The following SHC3 variants were observed in gnomAD, a reference collection of about 807,000 sequenced individuals.
SHC3 encodes SHC adaptor protein 3.
SHC3 carries 15 observed loss-of-function variants against 60.4 expected under a neutral mutation model. The ratio of observed to expected loss-of-function variants is 0.25; its 90% CI spans 0.17 to 0.38. The LOEUF (loss-of-function observed/expected upper bound fraction) is 0.38. Ranked by LOEUF, SHC3 falls within the 10% of genes least tolerant of loss-of-function variation. SHC3 has a pLI of 1.00. For synonymous variants in SHC3, 294 were observed against 325.9 expected (o/e 0.90, Z 1.05); for missense variants, 677 against 786.1 (o/e 0.86, Z 1.66).
Position 89,075,369 on chromosome 9 carries a change from G to C in SHC3, c.610-141C>G, listed in dbSNP as rs543887800. ...AGAAGACAAAATGTGAAATGAATAA[G>C]CTGGGAGTAGGGGGATCCGAAGCTA... On this transcript the variant is annotated intron_variant, in intron 3 of 11. Transcript: ENST00000375835. 1,323 of 1,138,988 alleles carry C rather than the reference G, an allele frequency of 1.2e-3. 1 individual carries two copies. The highest frequency in any genetic ancestry group is 1.6e-3 in the Non-Finnish European group (1,277 of 809,654). 70.6% of individuals were successfully genotyped at this position (1,138,988 alleles called of 1,614,324 possible). A position where few individuals can be genotyped will look rare whatever the true frequency, so the allele number is the denominator to read the frequency against.
chr9:89,038,380 A>C, intron 10 of SHC3, 92 bp from the exon 11 acceptor site: 1 of 1,373,200 alleles, frequency 7.3e-7, no homozygotes, highest in Non-Finnish European at 9.7e-7. Context: ...GAGAGATGGA[A>C]ATGCAAAGGC....
In SHC3 at chr9:89,007,397, C is replaced by A. The variant is rs1454779902; in HGVS notation, c.*6050G>T. ...CCTTAAGGCTTGTCACACTCCAACA[C>A]CTTTGTGTGTGTGTGTCTTTATTTC... On this transcript the variant is annotated 3_prime_UTR_variant, in exon 12 of 12. Transcript: ENST00000375835. 6.6e-6 allele frequency: 1 copy of A among 152,282 alleles called. No homozygotes were observed. The highest frequency in any genetic ancestry group is 1.5e-5 in the Non-Finnish European group (1 of 68,078). 9.4% of individuals were successfully genotyped at this position (152,282 alleles called of 1,614,324 possible). A position where few individuals can be genotyped will look rare whatever the true frequency, so the allele number is the denominator to read the frequency against.
chr9:89,005,933 TC>T lies in SHC3; in HGVS notation c.*7513del, dbSNP rs375287697. The T allele has an allele frequency of 2.0e-3, 302 of 152,294 alleles. 2 individuals carry two copies. Among genetic ancestry groups the T allele is most frequent in the African/African-American group, 6.8e-3 (281 of 41,566 alleles). The allele number at this position is 152,294 out of a possible 1,614,324, so 9.4% of individuals were successfully genotyped here. On this transcript the variant is annotated 3_prime_UTR_variant, in exon 12 of 12. Transcript: ENST00000375835. ...AACAAGGTGCATTTTATAGAAAACA[TC>T]TAATTAAATCACCAGTTTCATGCTT...
At chr9:89,109,765 A>G (rs909846622) in intron 2 of SHC3, 4 of 985,396 alleles carry the variant, frequency 4.1e-6, no homozygotes, top group Non-Finnish European at 4.8e-6. Flanking sequence ...TCATCTCACC[A>G]GGGCTTGTTT....
chr9:89,074,986 C>T, intron 4 of SHC3, 123 bp downstream of exon 4: 1 of 1,313,768 alleles, frequency 7.6e-7, no homozygotes, highest in Non-Finnish European at 1.0e-6. Flanking sequence ...AAAGTTCATA[C>T]TCTAGTAAAA....
chr9:89,039,205 G>T (rs565110578), intron 10 of SHC3, among the ~76,000 whole-genome samples: 1 of 152,190 alleles, frequency 6.6e-6, no homozygotes, highest in South Asian at 2.1e-4. Context: ...AACAGGAGTG[G>T]TTCTTTCCTG....
intron 7 of SHC3, among the ~76,000 whole-genome samples, chr9:89,049,252 C>T (rs1824824081): frequency 6.6e-6 from 1 of 150,916 alleles, no homozygotes; most frequent in Admixed American, 6.6e-5. Context: ...CAGAGCCAGA[C>T]TCCCTCTTAA....
chr9:89,125,823 T>G (rs1224829042), intron 1 of SHC3, among the ~76,000 whole-genome samples: 1 of 152,158 alleles, frequency 6.6e-6, no homozygotes, highest in Non-Finnish European at 1.5e-5. Flanking sequence ...GCCCACCGCC[T>G]TCCCAGAAAA....
chr9:89,102,276 T>C (rs914587840), intron 2 of SHC3, among the ~76,000 whole-genome samples: 2 of 152,192 alleles, frequency 1.3e-5, no homozygotes, highest in African/African-American at 4.8e-5. Flanking sequence ...CACCTTTGGT[T>C]TTCAATATTT....
chr9:89,043,302 T>G (rs1001461696), intron 9 of SHC3, among the ~76,000 whole-genome samples: 1 of 152,234 alleles, frequency 6.6e-6, no homozygotes, highest in Non-Finnish European at 1.5e-5. Context: ...TCATGGACTG[T>G]GTTTCTACTC....
chr9:89,127,519 A>T (rs1826181622), intron 1 of SHC3, among the ~76,000 whole-genome samples: 2 of 152,194 alleles, frequency 1.3e-5, no homozygotes, highest in Admixed American at 6.5e-5. Flanking sequence ...ATGAAACCCC[A>T]GGAATTAAAA....
At chr9:89,092,539 C>CCCCAGAA (rs926275951) in intron 2 of SHC3, among the ~76,000 whole-genome samples, 3 of 150,606 alleles carry the variant, frequency 2.0e-5, no homozygotes, top group African/African-American at 7.3e-5. Context: ...ATGGTGTGAA[C>CCCCAGAA]CCCAGAAGCA....
rs141791385 is a variant in SHC3 at position 89,171,025 on chromosome 9, C to T, written c.474+6962G>A. ...ATTCACTTACATTTTGTCCATCTTC[C>T]GGAGGGACAATAAGTCATTGTGAAG... On this transcript the variant is annotated intron_variant, in intron 1 of 11. Transcript: ENST00000375835. 5.5e-4 allele frequency among the ~76,000 whole-genome samples: 83 copies of T among 152,150 alleles called. 1 individual carries two copies. The East Asian group carries it at 0.013, about 24-fold the overall frequency.
In SHC3 at chr9:89,010,057, C is replaced by T. The variant is rs1825995997; in HGVS notation, c.*3390G>A. ...ACCTACACACACGGCTTGTCATTTC[C>T]CGTCTTTATTAGAAATTACCCACAA... On this transcript the variant is annotated 3_prime_UTR_variant, in exon 12 of 12. Transcript: ENST00000375835. The T allele has an allele frequency of 6.6e-6, 1 of 152,192 alleles. No individual in the cohort carries two copies. The highest frequency in any genetic ancestry group is 2.4e-5 in the African/African-American group (1 of 41,418). 9.4% of individuals were successfully genotyped at this position (152,192 alleles called of 1,614,324 possible).
At chr9:89,107,735 G>T (rs552905211) in intron 2 of SHC3, among the ~76,000 whole-genome samples, 2 of 152,192 alleles carry the variant, frequency 1.3e-5, no homozygotes, top group Non-Finnish European at 2.9e-5. Context: ...GGTTGGGGGT[G>T]GGGTGGGGTG....
intron 7 of SHC3, among the ~76,000 whole-genome samples, chr9:89,051,506 G>A (rs1824861009): frequency 6.6e-6 from 1 of 152,166 alleles, no homozygotes; most frequent in South Asian, 2.1e-4. Context: ...TAAAGCTGCT[G>A]AGACTCAAGG....
chr9:89,110,735 A>G (rs1323299800), intron 2 of SHC3, among the ~76,000 whole-genome samples: 2 of 152,240 alleles, frequency 1.3e-5, no homozygotes, highest in Non-Finnish European at 2.9e-5. Flanking sequence ...TTCTGGCACA[A>G]TTAGAATTCA....
At chr9:89,150,151 A>G (rs1315762260) in intron 1 of SHC3, among the ~76,000 whole-genome samples, 1 of 152,176 alleles carries the variant, frequency 6.6e-6, no homozygotes, top group Non-Finnish European at 1.5e-5. Flanking sequence ...ATTAAACTTT[A>G]TCAAAGGTAT....
At chr9:89,086,814 T>C (rs1301630096) in intron 2 of SHC3, among the ~76,000 whole-genome samples, 1 of 152,208 alleles carries the variant, frequency 6.6e-6, no homozygotes, top group Non-Finnish European at 1.5e-5. Flanking sequence ...TTTAGTTGTA[T>C]GCCAGCAAAC....
Sources: gnomAD v4.1 joint callset for allele counts (sites outside exome capture counted in the v4.1 genomes callset) on GRCh38, gnomAD v4.1.1 for gene constraint, MANE v1.5 for transcripts, NCBI Gene and HGNC (gene_info 2026-07-23, HGNC 2026-07-21) for gene names.